Variants in KCNIP4 observed in about 807,000 individuals in gnomAD.
KCNIP4 encodes the protein potassium voltage-gated channel interacting protein 4.
Under a neutral mutation model 34.0 loss-of-function variants are expected in KCNIP4, and 12 were observed. That is an observed-to-expected ratio of 0.35 (90% CI 0.23 to 0.57). The LOEUF is 0.57. Among genes scored for constraint, KCNIP4 ranks in the 20% least tolerant of loss-of-function variants. KCNIP4 has a pLI of 0.83. For missense variants in KCNIP4, 238 were observed against 311.7 expected, an observed-to-expected ratio of 0.76 and a Z score of 1.78; for synonymous variants, 124 against 102.2, an observed-to-expected ratio of 1.21 and a Z score of -1.29.
Position 21,039,376 on chromosome 4 carries a change from G to GA in KCNIP4, c.62-156668dup, listed in dbSNP as rs34620206. Among the ~76,000 whole-genome samples, 254 of 121,068 alleles carry GA rather than the reference G, an allele frequency of 2.1e-3. 1 individual carries two copies. Among genetic ancestry groups the GA allele is most frequent in the East Asian group, 5.5e-3 (21 of 3,808 alleles). The allele number at this position is 121,068 out of a possible 152,430, so 79.4% of individuals were successfully genotyped here. A position where few individuals can be genotyped will look rare whatever the true frequency, so the allele number is the denominator to read the frequency against. Reference sequence around the variant, plus strand: ...TGGAGCAAGACTCCGTCTCAAAAAAGAAAAAAAAAAAAAAGGAATAAGCAT... The same window carrying GA: ...TGGAGCAAGACTCCGTCTCAAAAAAGAAAAAAAAAAAAAAAGGAATAAGCAT... On this transcript the variant is annotated intron_variant, in intron 1 of 8. Transcript: ENST00000382152.
chr4:21,200,322 GTGTGTATATATATATACATACATA>G (rs1756382373), intron 1 of KCNIP4, among the ~76,000 whole-genome samples: 2 of 53,504 alleles, frequency 3.7e-5, no homozygotes, highest in African/African-American at 3.2e-4. Context: ...ATACATATAT[GTGTGTATATATATATACATACATA>G]TATGTGTGTA....
intron 1 of KCNIP4, chr4:21,718,502 G>C (rs567545771): frequency 6.6e-6 from 1 of 151,764 alleles, no homozygotes; most frequent in East Asian, 1.9e-4. Context: ...GCAGGACGTG[G>C]AATTTTGTTA....
chr4:21,727,165 A>C (rs536874212), intron 1 of KCNIP4, among the ~76,000 whole-genome samples: 74 of 152,210 alleles, frequency 4.9e-4, no homozygotes, highest in Non-Finnish European at 8.8e-4. Context: ...TAGTATTAAG[A>C]CATGGGACCT....
intron 1 of KCNIP4, among the ~76,000 whole-genome samples, chr4:21,036,879 T>A (rs1741495044): frequency 6.6e-6 from 1 of 152,202 alleles, no homozygotes. Flanking sequence ...ACTAAAAATT[T>A]ATACCACCTT....
chr4:21,169,660 T>TTTTGTG (rs1553948468), intron 1 of KCNIP4, among the ~76,000 whole-genome samples: 15 of 136,208 alleles, frequency 1.1e-4, no homozygotes, highest in Non-Finnish European at 2.3e-4. Context: ...TACTTTATAT[T>TTTTGTG]TGTGTGTGTG....
chr4:21,148,131 G>T (rs1028480265), intron 1 of KCNIP4, among the ~76,000 whole-genome samples: 4 of 151,930 alleles, frequency 2.6e-5, no homozygotes, highest in African/African-American at 4.8e-5. Context: ...CTGCCTAATG[G>T]CTTAACCTTT....
chr4:20,810,408 A>G (rs1464334356), intron 3 of KCNIP4, among the ~76,000 whole-genome samples: 4 of 150,960 alleles, frequency 2.6e-5, no homozygotes, highest in African/African-American at 9.8e-5. Context: ...CTGAGTCAAC[A>G]GAAAAAGAGA....
At chr4:21,582,854 A>G (rs1486619131) in intron 1 of KCNIP4, among the ~76,000 whole-genome samples, 1 of 151,978 alleles carries the variant, frequency 6.6e-6, no homozygotes, top group Non-Finnish European at 1.5e-5. Flanking sequence ...TCACTCAAGC[A>G]TGAAGTAGTC....
intron 2 of KCNIP4, among the ~76,000 whole-genome samples, chr4:20,882,156 C>T (rs183084692): frequency 2.2e-4 from 34 of 152,230 alleles, no homozygotes; most frequent in African/African-American, 7.7e-4. Flanking sequence ...AGAAAAGTCA[C>T]GTTTATTTAA....
At chr4:21,526,890 C>A (rs553511330) in intron 1 of KCNIP4, among the ~76,000 whole-genome samples, 1 of 152,276 alleles carries the variant, frequency 6.6e-6, no homozygotes, top group East Asian at 1.9e-4. Flanking sequence ...AATGCCTGGG[C>A]AATGTGAGGA....
intron 3 of KCNIP4, among the ~76,000 whole-genome samples, chr4:20,778,092 C>T (rs905331518): frequency 3.9e-5 from 6 of 152,196 alleles, no homozygotes; most frequent in Non-Finnish European, 8.8e-5. Flanking sequence ...AAGGCCTCCA[C>T]TCCCAAACTC....
intron 1 of KCNIP4, among the ~76,000 whole-genome samples, chr4:21,322,703 A>G (rs890986670): frequency 2.6e-4 from 39 of 152,038 alleles, no homozygotes; most frequent in African/African-American, 9.2e-4. Flanking sequence ...ATGTTTGTTG[A>G]GAAGCAACTA....
intron 1 of KCNIP4, among the ~76,000 whole-genome samples, chr4:20,952,419 T>G (rs1375873078): frequency 1.3e-5 from 2 of 152,206 alleles, no homozygotes; most frequent in African/African-American, 4.8e-5. Flanking sequence ...TATCACAATG[T>G]ATGTACTAAA....
At chr4:21,908,048 C>G (rs1406650086) in intron 1 of KCNIP4, among the ~76,000 whole-genome samples, 1 of 151,740 alleles carries the variant, frequency 6.6e-6, no homozygotes, top group Non-Finnish European at 1.5e-5. Context: ...CTCTGTGGCC[C>G]CTTCCTGCTC....
intron 1 of KCNIP4, among the ~76,000 whole-genome samples, chr4:21,489,476 T>A (rs77308779): frequency 0.063 from 9,568 of 152,196 alleles, 378 homozygotes; most frequent in Admixed American, 0.068. Flanking sequence ...AAACCTATGA[T>A]GAAAATAAAT....
chr4:21,252,355 T>C (rs1306207638), intron 1 of KCNIP4, among the ~76,000 whole-genome samples: 1 of 152,018 alleles, frequency 6.6e-6, no homozygotes, highest in Non-Finnish European at 1.5e-5. Flanking sequence ...CTCGATCTCC[T>C]AACCTCGTGA....
intron 1 of KCNIP4, among the ~76,000 whole-genome samples, chr4:21,880,649 A>G (rs1045431515): frequency 1.3e-5 from 2 of 152,218 alleles, no homozygotes. Context: ...AGAGAACAAA[A>G]TGATATTAAC....
At chr4:21,271,010 T>C (rs1228491328) in intron 1 of KCNIP4, among the ~76,000 whole-genome samples, 1 of 150,080 alleles carries the variant, frequency 6.7e-6, no homozygotes, top group Non-Finnish European at 1.5e-5. Flanking sequence ...AAAAAGATTG[T>C]AAAAGAAAAT....
At chr4:20,916,412 T>C (rs1728822272) in intron 1 of KCNIP4, 1 of 866,674 alleles carries the variant, frequency 1.2e-6, no homozygotes, top group Non-Finnish European at 1.4e-6. Flanking sequence ...AGTAGCTTTA[T>C]GCACTAATAG....
Sources: gnomAD v4.1 joint callset for allele counts (sites outside exome capture counted in the v4.1 genomes callset) on GRCh38, gnomAD v4.1.1 for gene constraint, MANE v1.5 for transcripts, NCBI Gene and HGNC (gene_info 2026-07-23, HGNC 2026-07-21) for gene names.